Variants in RFFL observed in about 807,000 individuals in gnomAD.
RFFL encodes the protein E3 ubiquitin-protein ligase rififylin.
RFFL carries 16 observed loss-of-function variants against 40.4 expected under a neutral mutation model. That is an observed-to-expected ratio of 0.40 (90% confidence interval 0.27 to 0.60). RFFL has a LOEUF of 0.60. RFFL is among the 20% of genes least tolerant of loss of function. The pLI, the probability that RFFL is intolerant of heterozygous loss-of-function variation, is 0.47. For missense variants in RFFL, 367 were observed against 451.7 expected, an observed-to-expected ratio of 0.81 and a Z score of 1.70; for synonymous variants, 154 against 167.9, an observed-to-expected ratio of 0.92 and a Z score of 0.64.
upstream of RFFL, among the ~76,000 whole-genome samples, chr17:35,066,202 T>C (rs1161194541): frequency 6.6e-6 from 1 of 152,208 alleles, no homozygotes; most frequent in Admixed American, 6.5e-5. Flanking sequence ...TTATGCTTTT[T>C]TTAATAGGGT....
intron 3 of RFFL, among the ~76,000 whole-genome samples, 197 bp downstream of exon 3, chr17:35,021,174 G>C (rs934868067): frequency 6.6e-6 from 1 of 152,170 alleles, no homozygotes; most frequent in Non-Finnish European, 1.5e-5. Flanking sequence ...AATTGGTACT[G>C]TGCATATCAC....
intron 1 of RFFL, among the ~76,000 whole-genome samples, chr17:35,083,357 G>C (rs2091411766): frequency 6.6e-6 from 1 of 152,148 alleles, no homozygotes; most frequent in African/African-American, 2.4e-5. Context: ...AAAGCTCTTT[G>C]TTATCTGTCA....
At chr17:35,026,350 G>A in intron 2 of RFFL, 24 bp downstream of exon 2, 1 of 1,610,286 alleles carries the variant, frequency 6.2e-7, no homozygotes. Context: ...CAGTGGCAGA[G>A]CAGGCCAAGA....
intron 1 of RFFL, among the ~76,000 whole-genome samples, chr17:35,062,797 T>C (rs772976795): frequency 2.0e-5 from 3 of 152,156 alleles, no homozygotes; most frequent in Non-Finnish European, 4.4e-5. Context: ...ATAGTCTGAT[T>C]AGGTGAAGGA....
At chr17:35,062,329 GA>G (rs2091296846) in intron 1 of RFFL, among the ~76,000 whole-genome samples, 1 of 152,002 alleles carries the variant, frequency 6.6e-6, no homozygotes, top group African/African-American at 2.4e-5. Context: ...CTTGAACCAG[GA>G]AGGCAGAGGT....
At chr17:35,071,847 A>C (rs1283145167) in intron 1 of RFFL, among the ~76,000 whole-genome samples, 1 of 152,208 alleles carries the variant, frequency 6.6e-6, no homozygotes, top group Non-Finnish European at 1.5e-5. Flanking sequence ...TGGTATATAC[A>C]CACCATGGAA....
chr17:35,083,686 CAGG>C (rs2091414202), intron 1 of RFFL, among the ~76,000 whole-genome samples: 1 of 151,024 alleles, frequency 6.6e-6, no homozygotes, highest in Non-Finnish European at 1.5e-5. Context: ...GAGGCTGAGG[CAGG>C]AGAACTGCTT....
intron 1 of RFFL, among the ~76,000 whole-genome samples, chr17:35,083,744 G>C (rs1255664086): frequency 6.8e-6 from 1 of 147,168 alleles, no homozygotes; most frequent in African/African-American, 2.5e-5. Flanking sequence ...TCACACCACT[G>C]CACTCCAGCC....
chr17:35,036,969 A>G (rs148545885), intron 1 of RFFL, among the ~76,000 whole-genome samples: 2 of 152,348 alleles, frequency 1.3e-5, no homozygotes, highest in Non-Finnish European at 2.9e-5. Flanking sequence ...AAACTAAGGC[A>G]GTAAAAAAAT....
At chr17:35,064,446 A>G (rs1447851009), upstream of RFFL, among the ~76,000 whole-genome samples, 4 of 151,934 alleles carry the variant, frequency 2.6e-5, no homozygotes, top group African/African-American at 7.2e-5. Context: ...ATTCTCATTT[A>G]TTAGCCTGCT....
intron 1 of RFFL, among the ~76,000 whole-genome samples, chr17:35,085,207 A>T (rs1163442592): frequency 6.6e-6 from 1 of 152,116 alleles, no homozygotes; most frequent in African/African-American, 2.4e-5. Context: ...CAAAAGGCTA[A>T]AGCTGCACTG....
chr17:35,055,523 T>G (rs1014189663), intron 1 of RFFL, among the ~76,000 whole-genome samples: 4 of 151,640 alleles, frequency 2.6e-5, no homozygotes, highest in African/African-American at 9.7e-5. Context: ...AAATACAAAA[T>G]TAGCCAGGTG....
chr17:35,023,414 A>G (rs1419485213), intron 2 of RFFL, among the ~76,000 whole-genome samples: 3 of 152,242 alleles, frequency 2.0e-5, no homozygotes, highest in Non-Finnish European at 4.4e-5. Flanking sequence ...AAAGGGACAT[A>G]TATCAAGCTC....
At position 35,051,586 on chromosome 17, in the gene RFFL, ATGCTTCGTACTG is replaced by A. The variant is rs2091232035; in HGVS notation, c.-9+11978_-9+11989del. ...GTCTAAGACACTTTCTGGATTTCCC[ATGCTTCGTACTG>A]ACATCTGACTTAAGCAATAAAAACT... On this transcript the variant is annotated intron_variant, in intron 1 of 6. Coordinates refer to ENST00000394597, the MANE Select transcript of RFFL (RefSeq NM_001017368.2). 3.3e-5 allele frequency among the ~76,000 whole-genome samples: 5 copies of A among 152,236 alleles called. No individual in the cohort carries two copies. The South Asian group carries it at 1.0e-3, about 31-fold the overall frequency.
chr17:35,026,280 A>G, intron 2 of RFFL, 94 bp downstream of exon 2: 1 of 1,249,412 alleles, frequency 8.0e-7, no homozygotes, highest in Non-Finnish European at 1.1e-6. Flanking sequence ...TCACACAGGG[A>G]AAGGAAAGGT....
intron 1 of RFFL, among the ~76,000 whole-genome samples, chr17:35,027,224 C>A (rs1242141768): frequency 6.6e-6 from 1 of 152,188 alleles, no homozygotes; most frequent in Non-Finnish European, 1.5e-5. Context: ...TACCCCCAAT[C>A]CTAGATAAAC....
At chr17:35,027,362 C>T (rs1597817963) in intron 1 of RFFL, among the ~76,000 whole-genome samples, 1 of 152,208 alleles carries the variant, frequency 6.6e-6, no homozygotes, top group East Asian at 1.9e-4. Context: ...TTCCCTAGCA[C>T]TGTTGTCCAT....
At chr17:35,029,378 C>T (rs1361949702) in intron 1 of RFFL, among the ~76,000 whole-genome samples, 3 of 143,654 alleles carry the variant, frequency 2.1e-5, no homozygotes, top group East Asian at 2.1e-4. Flanking sequence ...GGGTCTCACT[C>T]TGTCACCCAG....
chr17:35,016,397 T>C lies in RFFL; in HGVS notation c.859A>G (p.Lys287Glu). The change falls in exon 5 of 7, where the codon AAG (lysine) becomes GAG (glutamate). Residue 287 changes from lysine (K) to glutamate (E), a missense_variant. Physicochemically the swap from Lys to Glu is moderately conservative, Grantham distance 56 (BLOSUM62 1). Transcript: ENST00000394597. ...AGGTGCTGGAGTCCTTTCTGATCCT[T>C]GTATAGCCGGGTCACTCTCTCCATC... ...ELMERVTRLY[K>E]DQKGLQHLVS... 1 of 1,614,138 alleles carries C rather than the reference T, an allele frequency of 6.2e-7. No individual in the cohort carries two copies. The highest frequency in any genetic ancestry group is 8.5e-7 in the Non-Finnish European group (1 of 1,180,002).
Sources: allele counts gnomAD v4.1 joint callset (sites outside exome capture counted in the v4.1 genomes callset), GRCh38; gene constraint gnomAD v4.1.1; transcripts MANE v1.5; gene names NCBI Gene and HGNC (gene_info 2026-07-23, HGNC 2026-07-21).